IL9R: variants seen among roughly 807,000 people sequenced by gnomAD.
The protein encoded by IL9R is interleukin-9 receptor.
Under a neutral mutation model 56.3 loss-of-function variants are expected in IL9R, and 54 were observed. The ratio of observed to expected loss-of-function variants is 0.96; its 90% CI spans 0.77 to 1.20. The LOEUF (loss-of-function observed/expected upper bound fraction) is 1.20. Ranked by LOEUF, IL9R falls within the 50% of genes most tolerant of loss-of-function variation. The pLI is 0.00. For missense variants in IL9R, 545 were observed against 629.8 expected, an observed-to-expected ratio of 0.87 and a Z score of 1.44; for synonymous variants, 212 against 250.2, an observed-to-expected ratio of 0.85 and a Z score of 1.44.
In IL9R at chrX:156,009,935, G is replaced by T; in HGVS notation, c.1092G>T (p.Ala364=). The change falls in exon 9 of 9, where the codon GCG becomes GCT. Residue 364 remains alanine, a synonymous_variant. Transcript: ENST00000244174. The stretch of plus-strand genomic sequence containing the variant: ...CTGCACTGCTCACTTGTGGCCCAGC[G>T]CGTCCTTGGAAATCTGTGGCCCTGG... ...EATALLTCGP[A]RPWKSVALEE... The T allele has an allele frequency of 6.4e-7, 1 of 1,556,646 alleles. No individual in the cohort carries two copies. The highest frequency in any genetic ancestry group is 8.6e-7 in the Non-Finnish European group (1 of 1,162,632).
chrX:156,008,490 CT>C, intron 8 of IL9R, among the ~76,000 whole-genome samples: 1 of 152,280 alleles, frequency 6.6e-6, no homozygotes, highest in Non-Finnish European at 1.5e-5. Context: ...GAGTCTCCCT[CT>C]TTCCCCAAGG....
intron 4 of IL9R, 61 bp downstream of exon 4, chrX:156,003,916 G>A: frequency 6.4e-7 from 1 of 1,571,794 alleles, no homozygotes; most frequent in Non-Finnish European, 8.7e-7. Context: ...GGCTGCTTGG[G>A]GGTTTGGAGC....
intron 3 of IL9R, 40 bp from the exon 4 acceptor site, chrX:156,003,637 A>C: frequency 1.9e-6 from 3 of 1,612,102 alleles, no homozygotes; most frequent in Non-Finnish European, 2.5e-6. Flanking sequence ...ATGCCAGGAC[A>C]GTGTAGCAGC....
intron 8 of IL9R, among the ~76,000 whole-genome samples, chrX:156,009,123 ATGTTTGTGTGTG>A (rs1448295828): frequency 1.4e-3 from 61 of 44,344 alleles, no homozygotes; most frequent in Admixed American, 1.7e-3. Flanking sequence ...GTGTCTGTGT[ATGTTTGTGTGTG>A]TGTTTGTGTG....
At chrX:156,005,577 G>T (rs918558889) in intron 6 of IL9R, 98 bp downstream of exon 6, 32 of 1,022,464 alleles carry the variant, frequency 3.1e-5, no homozygotes, top group Non-Finnish European at 3.3e-5. Flanking sequence ...CCTCCTGTAA[G>T]CCCCTCCCCG....
chrX:155,999,577 C>G (rs1413659274), intron 1 of IL9R, among the ~76,000 whole-genome samples: 8 of 152,178 alleles, frequency 5.3e-5, no homozygotes, highest in African/African-American at 1.9e-4. Context: ...GGGATTCCCA[C>G]TGTGCTGAAG....
chrX:156,006,533 A>G (rs1304469066), intron 7 of IL9R, among the ~76,000 whole-genome samples: 1 of 150,408 alleles, frequency 6.6e-6, no homozygotes, highest in Non-Finnish European at 1.5e-5. Flanking sequence ...CTGCCTCTGG[A>G]GGAGCTTGGT....
intron 1 of IL9R, chrX:156,001,453 C>G: frequency 1.2e-6 from 2 of 1,611,052 alleles, no homozygotes; most frequent in Non-Finnish European, 1.7e-6. Context: ...GAACTTGCCA[C>G]GGTGTTTCAT....
intron 8 of IL9R, among the ~76,000 whole-genome samples, chrX:156,009,613 G>T (rs1157473179): frequency 1.4e-5 from 2 of 140,852 alleles, no homozygotes; most frequent in Non-Finnish European, 3.0e-5. Flanking sequence ...GGGACTCAGG[G>T]TCCCGTGATG....
chrX:156,006,821 G>T (rs1278547455), intron 7 of IL9R, among the ~76,000 whole-genome samples: 2 of 151,114 alleles, frequency 1.3e-5, no homozygotes, highest in African/African-American at 4.9e-5. Context: ...ACACAACCTA[G>T]TTTATGTTTT....
At chrX:155,998,314 A>G (rs1243380408) in intron 1 of IL9R, among the ~76,000 whole-genome samples, 1 of 151,660 alleles carries the variant, frequency 6.6e-6, no homozygotes, top group Non-Finnish European at 1.5e-5. Flanking sequence ...TGAGGGTGGG[A>G]TTCCAGAGGG....
At chrX:156,001,930 G>A (rs1022395135) in intron 1 of IL9R, among the ~76,000 whole-genome samples, 2 of 152,184 alleles carry the variant, frequency 1.3e-5, no homozygotes, top group African/African-American at 4.8e-5. Flanking sequence ...CTTGGAACAG[G>A]GGTGCAACAG....
chrX:156,004,273 T>C (rs1037016259), intron 4 of IL9R, 147 bp from the exon 5 acceptor site: 5 of 734,514 alleles, frequency 6.8e-6, no homozygotes, highest in Non-Finnish European at 1.2e-5. Flanking sequence ...CTGGGGCTTT[T>C]GTGGACCAGT....
intron 7 of IL9R, among the ~76,000 whole-genome samples, chrX:156,007,189 CCTT>C (rs1256639165): frequency 2.2e-5 from 2 of 90,078 alleles, no homozygotes; most frequent in African/African-American, 4.9e-5. Flanking sequence ...GAGCCACAGA[CCTT>C]CTGCTGATGG....
intron 8 of IL9R, among the ~76,000 whole-genome samples, chrX:156,008,531 A>C (rs972330218): frequency 2.0e-5 from 3 of 152,202 alleles, no homozygotes; most frequent in African/African-American, 7.2e-5. Flanking sequence ...GAGCCTGGGC[A>C]GCTGACGACA....
At position 156,004,425 on chromosome X, in the gene IL9R, C is replaced by T; in HGVS notation, c.439C>T (p.Leu147=). 1 of 1,613,914 alleles carries T rather than the reference C, an allele frequency of 6.2e-7. No homozygotes were observed. The highest frequency in any genetic ancestry group is 8.5e-7 in the Non-Finnish European group (1 of 1,179,830). Residue 147 remains leucine, a synonymous_variant, in exon 5 of 9, where the codon CTG becomes TTG. Transcript: ENST00000244174. Reference sequence around the variant, plus strand: ...ATGGATTCACTCTGTTCCAGTTAAGCTGGACCCGCCCTCTGACTTGCAGAG... The same window carrying T: ...ATGGATTCACTCTGTTCCAGTTAAGTTGGACCCGCCCTCTGACTTGCAGAG... ...PEYLPRRHVK[L]DPPSDLQSNI...
At chrX:156,000,932 C>T (rs1336207877) in intron 1 of IL9R, among the ~76,000 whole-genome samples, 1 of 152,136 alleles carries the variant, frequency 6.6e-6, no homozygotes, top group Non-Finnish European at 1.5e-5. Context: ...GTCTCTGAGC[C>T]TCAGTTTCTT....
In IL9R at chrX:156,009,127, TTGTG is replaced by T. The variant is rs1172878931; in HGVS notation, c.973-681_973-678del. Among the ~76,000 whole-genome samples the T allele has an allele frequency of 2.0e-4, 25 of 126,752 alleles. No homozygotes were observed. The South Asian group carries it at 2.0e-3, about 10-fold the overall frequency. The allele number at this position is 126,752 out of a possible 152,430, so 83.2% of individuals were successfully genotyped here. Reference sequence around the variant, plus strand: ...TGTGTGTTTATGTGTCTGTGTATGTTTGTGTGTGTGTTTGTGTGTGTGTGTTTGT... The same window carrying T: ...TGTGTGTTTATGTGTCTGTGTATGTTTGTGTGTTTGTGTGTGTGTGTTTGT... On this transcript the variant is annotated intron_variant, in intron 8 of 8. Transcript: ENST00000244174.
At chrX:156,003,993 G>C (rs1165713431) in intron 4 of IL9R, 138 bp downstream of exon 4, 1 of 951,338 alleles carries the variant, frequency 1.1e-6, no homozygotes, top group Admixed American at 2.3e-5. Context: ...ATCCAGGGCT[G>C]GGGGCAGGCT....
Sources: gnomAD v4.1 joint callset for allele counts (sites outside exome capture counted in the v4.1 genomes callset) on GRCh38, gnomAD v4.1.1 for gene constraint, MANE v1.5 for transcripts, NCBI Gene and HGNC (gene_info 2026-07-23, HGNC 2026-07-21) for gene names.